Variants in SNTB1 observed in about 807,000 individuals in gnomAD.
SNTB1 encodes the protein syntrophin beta 1, also known as beta-1-syntrophin.
SNTB1 carries 36 observed loss-of-function variants against 48.9 expected under a neutral mutation model. That is an observed-to-expected ratio of 0.74 (90% CI 0.56 to 0.97). The LOEUF is 0.97. Among genes scored for constraint, SNTB1 ranks in the 50% least tolerant of loss-of-function variants. SNTB1 has a pLI of 0.00. For missense variants in SNTB1, 786 were observed against 703.4 expected (o/e 1.12, Z -1.33); for synonymous variants, 299 against 294.6 (o/e 1.01, Z -0.15).
chr8:120,682,855 A>G (rs2129823959), intron 2 of SNTB1, among the ~76,000 whole-genome samples: 1 of 151,444 alleles, frequency 6.6e-6, no homozygotes, highest in Admixed American at 6.6e-5. Flanking sequence ...AAAAGATAAT[A>G]CTCATAGTTT....
intron 2 of SNTB1, among the ~76,000 whole-genome samples, chr8:120,686,421 C>A (rs73708633): frequency 6.6e-6 from 1 of 152,108 alleles, no homozygotes; most frequent in Non-Finnish European, 1.5e-5. Context: ...TGGCTGGTAC[C>A]TACTATATGT....
At chr8:120,663,863 A>G (rs529679004) in intron 2 of SNTB1, among the ~76,000 whole-genome samples, 13 of 152,294 alleles carry the variant, frequency 8.5e-5, no homozygotes, top group African/African-American at 3.1e-4. Flanking sequence ...TGAGATACTA[A>G]AGATCCGATT....
At chr8:120,689,025 A>G (rs1191182436) in intron 2 of SNTB1, among the ~76,000 whole-genome samples, 1 of 152,186 alleles carries the variant, frequency 6.6e-6, no homozygotes, top group African/African-American at 2.4e-5. Context: ...AATATGAAAA[A>G]CAAGAGATAT....
intron 4 of SNTB1, among the ~76,000 whole-genome samples, chr8:120,567,409 T>G (rs1404792135): frequency 1.5e-5 from 2 of 130,318 alleles, no homozygotes; most frequent in African/African-American, 5.6e-5. Context: ...ATTACAGGGT[T>G]GAGCTCCTTT....
chr8:120,792,290 A>T (rs182694410), intron 1 of SNTB1, among the ~76,000 whole-genome samples: 48 of 149,416 alleles, frequency 3.2e-4, no homozygotes, highest in African/African-American at 1.2e-3. Flanking sequence ...AGTGGGGGCT[A>T]AGCTACAGGT....
intron 1 of SNTB1, among the ~76,000 whole-genome samples, chr8:120,802,578 T>C (rs561835660): frequency 6.6e-6 from 1 of 152,144 alleles, no homozygotes; most frequent in African/African-American, 2.4e-5. Context: ...TGGTCATTCG[T>C]TACACTGTTC....
intron 1 of SNTB1, among the ~76,000 whole-genome samples, chr8:120,756,614 C>G (rs1819321593): frequency 6.6e-6 from 1 of 152,086 alleles, no homozygotes; most frequent in African/African-American, 2.4e-5. Flanking sequence ...TATGTTTCTT[C>G]AATGGAGTTG....
intron 1 of SNTB1, among the ~76,000 whole-genome samples, chr8:120,737,748 T>C (rs1241922599): frequency 6.6e-6 from 1 of 152,174 alleles, no homozygotes; most frequent in Non-Finnish European, 1.5e-5. Flanking sequence ...TCTTTTCTGT[T>C]ATCCTCCAAT....
Position 120,659,317 on chromosome 8 carries a change from C to A in SNTB1, c.789-26666G>T, listed in dbSNP as rs535037998. On this transcript the variant is annotated intron_variant, in intron 2 of 6. Transcript: ENST00000517992. Reference sequence around the variant, plus strand: ...TGTCATGTCACCAATTTTACAACATCTTCACCAGGAATAGATTCCATCTCA... The same window carrying A: ...TGTCATGTCACCAATTTTACAACATATTCACCAGGAATAGATTCCATCTCA... 7.2e-5 allele frequency among the ~76,000 whole-genome samples: 11 copies of A among 152,280 alleles called. 1 individual carries two copies. The South Asian group carries it at 2.3e-3, about 32-fold the overall frequency.
chr8:120,698,355 A>G (rs1195279759), intron 1 of SNTB1, among the ~76,000 whole-genome samples: 1 of 152,178 alleles, frequency 6.6e-6, no homozygotes, highest in Non-Finnish European at 1.5e-5. Context: ...CAAGGAATTA[A>G]ATGAGGCTAA....
At chr8:120,780,778 C>T (rs1467204857) in intron 1 of SNTB1, among the ~76,000 whole-genome samples, 2 of 152,274 alleles carry the variant, frequency 1.3e-5, no homozygotes, top group Admixed American at 1.3e-4. Flanking sequence ...AATAAAGCAC[C>T]ATACCTGTTA....
chr8:120,674,809 T>C lies in SNTB1; in HGVS notation c.788+18883A>G, dbSNP rs9297625. Among the ~76,000 whole-genome samples, 993 of 152,188 alleles carry C rather than the reference T, an allele frequency of 6.5e-3. 10 individuals are homozygous for C. The highest frequency in any genetic ancestry group is 0.022 in the African/African-American group (931 of 41,522). On this transcript the variant is annotated intron_variant, in intron 2 of 6. Coordinates refer to ENST00000517992, the MANE Select transcript of SNTB1 (RefSeq NM_021021.4). ...GTGAGGGCAAAAAGAGAACAAAGTGTTTTCAAGTCTCTATTCTTTATTTTT... is the reference window on the plus strand; with the variant it reads ...GTGAGGGCAAAAAGAGAACAAAGTGCTTTCAAGTCTCTATTCTTTATTTTT...
intron 2 of SNTB1, among the ~76,000 whole-genome samples, chr8:120,644,168 T>TC (rs1817242531): frequency 6.6e-6 from 1 of 151,840 alleles, no homozygotes; most frequent in African/African-American, 2.4e-5. Context: ...ATTCTTTTTT[T>TC]TTTTTAATTA....
intron 2 of SNTB1, among the ~76,000 whole-genome samples, chr8:120,664,196 T>C (rs543744938): frequency 6.6e-6 from 1 of 152,268 alleles, no homozygotes; most frequent in Non-Finnish European, 1.5e-5. Flanking sequence ...ATGAAAGCAT[T>C]TGACATGGGG....
chr8:120,690,128 T>G (rs1047080336), intron 2 of SNTB1, among the ~76,000 whole-genome samples: 1 of 152,228 alleles, frequency 6.6e-6, no homozygotes, highest in Non-Finnish European at 1.5e-5. Context: ...TCATATAACT[T>G]TTATTACAGT....
chr8:120,789,000 A>G (rs1411495389), intron 1 of SNTB1, among the ~76,000 whole-genome samples: 7 of 152,092 alleles, frequency 4.6e-5, no homozygotes, highest in African/African-American at 1.7e-4. Flanking sequence ...GCCACAAAAC[A>G]AGCCTCAATA....
chr8:120,650,948 A>G (rs1817402601), intron 2 of SNTB1, among the ~76,000 whole-genome samples: 2 of 152,224 alleles, frequency 1.3e-5, no homozygotes, highest in African/African-American at 4.8e-5. Flanking sequence ...GTGAAGCATT[A>G]GGTAAGTTAC....
chr8:120,783,180 A>G (rs1034838053), intron 1 of SNTB1, among the ~76,000 whole-genome samples: 1 of 151,406 alleles, frequency 6.6e-6, no homozygotes, highest in East Asian at 1.9e-4. Context: ...TATAAATTAT[A>G]TATCACTGAT....
intron 2 of SNTB1, among the ~76,000 whole-genome samples, chr8:120,653,287 T>C (rs1294500213): frequency 6.6e-6 from 1 of 151,566 alleles, no homozygotes; most frequent in Non-Finnish European, 1.5e-5. Context: ...CCAATGAGAG[T>C]GCTATTATAA....
Sources: allele counts gnomAD v4.1 joint callset (sites outside exome capture counted in the v4.1 genomes callset), GRCh38; gene constraint gnomAD v4.1.1; transcripts MANE v1.5; gene names NCBI Gene and HGNC (gene_info 2026-07-23, HGNC 2026-07-21).